Variants in WHRN observed in about 807,000 individuals in gnomAD.
WHRN encodes CASK-interacting protein CIP98.
In WHRN, 41 loss-of-function variants were observed where a neutral mutation model predicts 68.3. That is an observed-to-expected ratio of 0.60 (90% confidence interval 0.47 to 0.78). The LOEUF (loss-of-function observed/expected upper bound fraction) is 0.78, where lower values mean the gene tolerates loss of function less well. Among genes scored for constraint, WHRN ranks in the 30% least tolerant of loss-of-function variants. The pLI is 0.00. For synonymous variants in WHRN, 560 were observed against 561.3 expected, an observed-to-expected ratio of 1.00 and a Z score of 0.03; for missense variants, 1,243 against 1,244.7, an observed-to-expected ratio of 1.00 and a Z score of 0.02.
chr9:114,433,949 C>T (rs1460612831), intron 3 of WHRN, among the ~76,000 whole-genome samples: 1 of 152,204 alleles, frequency 6.6e-6, no homozygotes, highest in Non-Finnish European at 1.5e-5. Context: ...CTATTCACCA[C>T]ACAGGAAGCC....
intron 3 of WHRN, among the ~76,000 whole-genome samples, chr9:114,428,495 T>A (rs1231613950): frequency 6.6e-6 from 1 of 152,164 alleles, no homozygotes; most frequent in Non-Finnish European, 1.5e-5. Context: ...ATCATAGCTC[T>A]CCATTTCACT....
Position 114,479,618 on chromosome 9 carries a change from G to A in WHRN, c.619-847C>T, listed in dbSNP as rs138571362. ...CTTAACATTTATAAAGGGCTTGTAT[G>A]TGTCGGCCACTCTGCGCTGCACCTG... On this transcript the variant is annotated intron_variant, in intron 1 of 11. Coordinates refer to ENST00000362057, the MANE Select transcript of WHRN (RefSeq NM_015404.4). 4.2e-3 allele frequency among the ~76,000 whole-genome samples: 643 copies of A among 152,322 alleles called. 3 individuals carry two copies. The highest frequency in any genetic ancestry group is 8.9e-3 in the African/African-American group (371 of 41,554).
rs1436529528 is a variant in WHRN, at chr9:114,403,226, G to C, written c.2532C>G (p.Val844=). Residue 844 remains valine, a synonymous_variant, in exon 11 of 12, where the codon GTC becomes GTG. Coordinates refer to ENST00000362057, the MANE Select transcript of WHRN (RefSeq NM_015404.4). ...ANTRQPLPRI[V]TIQRGGSAHN... ...GCCCCTGGGGACATACCTGAATAGT[G>C]ACAATCCTAGGCAGGGGCTGGCGGG... The C allele has an allele frequency of 6.2e-7, 1 of 1,614,178 alleles. No homozygotes were observed. Among genetic ancestry groups the C allele is most frequent in the East Asian group, 2.2e-5 (1 of 44,878 alleles).
At chr9:114,433,286 A>G (rs904638879) in intron 3 of WHRN, among the ~76,000 whole-genome samples, 1 of 152,242 alleles carries the variant, frequency 6.6e-6, no homozygotes, top group African/African-American at 2.4e-5. Context: ...CTCCCTCGCC[A>G]GAAGTTGTTA....
Position 114,451,567 on chromosome 9 carries a change from C to G in WHRN, c.963+14700G>C, listed in dbSNP as rs199537845. On this transcript the variant is annotated intron_variant, in intron 3 of 11. Coordinates refer to ENST00000362057, the MANE Select transcript of WHRN (RefSeq NM_015404.4). The stretch of plus-strand genomic sequence containing the variant: ...GGTGTGTGCGCATGAACGCACACAC[C>G]ACACACACAGGAAAACCCCAAGTGA... Among the ~76,000 whole-genome samples the G allele has an allele frequency of 2.8e-4, 42 of 152,200 alleles. No individual in the cohort carries two copies. In the East Asian group the frequency reaches 6.6e-3, roughly 24 times the overall value.
chr9:114,423,028 T>G (rs1235731378), intron 7 of WHRN, among the ~76,000 whole-genome samples: 2 of 130,746 alleles, frequency 1.5e-5, no homozygotes. Flanking sequence ...TTTACCTACT[T>G]TTTTTTTTTA....
intron 1 of WHRN, among the ~76,000 whole-genome samples, chr9:114,499,670 A>G (rs1843754499): frequency 6.6e-6 from 1 of 152,266 alleles, no homozygotes; most frequent in Non-Finnish European, 1.5e-5. Context: ...TTGAGCAGTC[A>G]GGCACATGAG....
At chr9:114,463,110 A>G (rs2132904377) in intron 3 of WHRN, among the ~76,000 whole-genome samples, 1 of 152,344 alleles carries the variant, frequency 6.6e-6, no homozygotes, top group Non-Finnish European at 1.5e-5. Flanking sequence ...ACACCTCTCA[A>G]GGAGGGACCA....
chr9:114,479,462 T>C (rs965733297), intron 1 of WHRN, among the ~76,000 whole-genome samples: 2 of 152,210 alleles, frequency 1.3e-5, no homozygotes, highest in East Asian at 3.8e-4. Flanking sequence ...TAATAAACCC[T>C]AGCCACAGGT....
chr9:114,453,519 G>C (rs911314904), intron 3 of WHRN, among the ~76,000 whole-genome samples: 15 of 152,022 alleles, frequency 9.9e-5, no homozygotes, highest in Admixed American at 6.6e-4. Flanking sequence ...CTGATTTTAT[G>C]GTAGTCCTAA....
At chr9:114,443,424 C>T (rs929697490) in intron 3 of WHRN, among the ~76,000 whole-genome samples, 1 of 152,206 alleles carries the variant, frequency 6.6e-6, no homozygotes. Context: ...AGGCCTCCTA[C>T]TTTCCTACTT....
intron 1 of WHRN, among the ~76,000 whole-genome samples, chr9:114,488,147 AC>A (rs1235432281): frequency 6.6e-6 from 1 of 152,208 alleles, no homozygotes; most frequent in African/African-American, 2.4e-5. Flanking sequence ...GAGACTTCAG[AC>A]AAGTTACTTA....
intron 1 of WHRN, among the ~76,000 whole-genome samples, chr9:114,479,540 T>C (rs10739419): frequency 0.98 from 149,593 of 152,290 alleles, 73,522 homozygotes; most frequent in East Asian, 1. Flanking sequence ...TCTTGGGGAC[T>C]CTGATAAAAT....
chr9:114,447,239 C>T (rs969063338), intron 3 of WHRN, among the ~76,000 whole-genome samples: 3 of 152,202 alleles, frequency 2.0e-5, no homozygotes, highest in Admixed American at 2.0e-4. Context: ...CTGCTCCCAC[C>T]TGAGGTCCCA....
Position 114,475,306 on chromosome 9 carries a change from G to C in WHRN, c.837+3247C>G, listed in dbSNP as rs79229785. ...AGTTTATGAGAGCTATAGAGGCTGC[G>C]GGTTAGAACAACATGGGAAGCCATA... is the stretch of plus-strand genomic sequence containing the variant. On this transcript the variant is annotated intron_variant, in intron 2 of 11. Coordinates refer to ENST00000362057, the MANE Select transcript of WHRN (RefSeq NM_015404.4). Among the ~76,000 whole-genome samples the C allele has an allele frequency of 1.1e-3, 164 of 152,134 alleles. 5 individuals are homozygous for C. The East Asian group carries it at 0.03, about 27-fold the overall frequency.
chr9:114,468,702 G>T (rs1840933208), intron 2 of WHRN, among the ~76,000 whole-genome samples: 1 of 151,988 alleles, frequency 6.6e-6, no homozygotes, highest in African/African-American at 2.4e-5. Flanking sequence ...GGCCCACAGG[G>T]CTCTGCAGGA....
chr9:114,411,098 G>A (rs1835404921), intron 7 of WHRN, among the ~76,000 whole-genome samples: 1 of 152,210 alleles, frequency 6.6e-6, no homozygotes. Flanking sequence ...ACGTGCATTG[G>A]GAGACTGGGA....
chr9:114,442,752 G>T (rs950687901), intron 3 of WHRN, among the ~76,000 whole-genome samples: 11 of 152,110 alleles, frequency 7.2e-5, no homozygotes, highest in Non-Finnish European at 1.3e-4. Flanking sequence ...TGCCATAAGT[G>T]GAAGCTTCCT....
chr9:114,441,368 T>C (rs1838358720), intron 3 of WHRN, among the ~76,000 whole-genome samples: 1 of 152,202 alleles, frequency 6.6e-6, no homozygotes. Context: ...AATGCAGGCA[T>C]GTATATTTCC....
Sources: allele counts gnomAD v4.1 joint callset (sites outside exome capture counted in the v4.1 genomes callset), GRCh38; gene constraint gnomAD v4.1.1; transcripts MANE v1.5; gene names NCBI Gene and HGNC (gene_info 2026-07-23, HGNC 2026-07-21).